Variants in HHAT observed in about 807,000 individuals in gnomAD.
HHAT encodes the protein hedgehog acyltransferase.
In HHAT, 47 loss-of-function variants were observed where a neutral mutation model predicts 70.8. The ratio of observed to expected loss-of-function variants is 0.66; its 90% CI spans 0.53 to 0.85. The LOEUF (loss-of-function observed/expected upper bound fraction) is 0.85. Among genes scored for constraint, HHAT ranks in the 40% least tolerant of loss-of-function variants. The probability of loss-of-function intolerance (pLI) is 0.00; values close to 1 mark genes in which losing one functional copy is unlikely to be tolerated. For synonymous variants in HHAT, 228 were observed against 247.6 expected, an observed-to-expected ratio of 0.92 and a Z score of 0.74; for missense variants, 609 against 604.8, an observed-to-expected ratio of 1.01 and a Z score of -0.07.
rs746907598 is a variant in HHAT, at chr1:210,418,178, C to T, written c.709C>T (p.Leu237=). The T allele has an allele frequency of 1.2e-6, 2 of 1,614,044 alleles. No individual in the cohort carries two copies. Among genetic ancestry groups the T allele is most frequent in the Non-Finnish European group, 1.7e-6 (2 of 1,180,032 alleles). Residue 237 remains leucine, a synonymous_variant, in exon 7 of 12, where the codon CTG becomes TTG. Transcript: ENST00000261458. The part of the protein sequence containing the change: ...KQMQQQEHDS[L]KASLCVLALG... ...GATGCAGCAGCAGGAGCATGACTCC[C>T]TGAAGGCCAGCCTGTGTGTCCTGGC... is the stretch of plus-strand genomic sequence containing the variant.
chr1:210,506,256 T>A (rs561897948), intron 8 of HHAT, among the ~76,000 whole-genome samples: 2 of 152,276 alleles, frequency 1.3e-5, no homozygotes, highest in South Asian at 4.1e-4. Context: ...GGGCACAGTC[T>A]ACTAATTTGC....
intron 1 of HHAT, among the ~76,000 whole-genome samples, chr1:210,331,842 TA>T (rs2085018078): frequency 6.6e-6 from 1 of 152,018 alleles, no homozygotes; most frequent in Non-Finnish European, 1.5e-5. Context: ...GGTAAGCAAG[TA>T]AGCAAGTTTT....
chr1:210,541,394 A>C (rs2095429416), intron 9 of HHAT, among the ~76,000 whole-genome samples: 1 of 152,138 alleles, frequency 6.6e-6, no homozygotes, highest in South Asian at 2.1e-4. Context: ...GTAAAGGCTT[A>C]ACAAAGTCTC....
At chr1:210,536,823 C>G (rs1404556886) in intron 9 of HHAT, among the ~76,000 whole-genome samples, 4 of 152,128 alleles carry the variant, frequency 2.6e-5, no homozygotes, top group Non-Finnish European at 2.9e-5. Context: ...TGTGGGAGCT[C>G]TCCTGTGTAC....
intron 7 of HHAT, among the ~76,000 whole-genome samples, chr1:210,445,723 G>A (rs928732174): frequency 5.3e-5 from 8 of 152,104 alleles, no homozygotes; most frequent in African/African-American, 1.9e-4. Context: ...GGTTGGTGGT[G>A]GACTGATTTT....
intron 10 of HHAT, among the ~76,000 whole-genome samples, chr1:210,621,501 C>T (rs1160625438): frequency 6.6e-6 from 1 of 152,212 alleles, no homozygotes; most frequent in Non-Finnish European, 1.5e-5. Flanking sequence ...TCCTCTCACC[C>T]TGCCTCCCTA....
chr1:210,448,211 AGCTGGGACTGCAGGC>A (rs2093674283), intron 7 of HHAT, among the ~76,000 whole-genome samples: 1 of 151,784 alleles, frequency 6.6e-6, no homozygotes. Flanking sequence ...CTGCCTGAGT[AGCTGGGACTGCAGGC>A]GCCTGCCACC....
chr1:210,496,027 A>AAAAAAAAG (rs2094635607), intron 8 of HHAT, among the ~76,000 whole-genome samples: 1 of 146,524 alleles, frequency 6.8e-6, no homozygotes, highest in Non-Finnish European at 1.5e-5. Context: ...AAAAAAAAAA[A>AAAAAAAAG]AAAGAAAAAG....
chr1:210,502,944 C>G (rs2094786849), intron 8 of HHAT, among the ~76,000 whole-genome samples: 1 of 151,420 alleles, frequency 6.6e-6, no homozygotes, highest in African/African-American at 2.4e-5. Context: ...ATACTGTGTA[C>G]TCAATATACT....
chr1:210,384,607 C>T (rs949067046), intron 3 of HHAT, among the ~76,000 whole-genome samples: 1 of 152,156 alleles, frequency 6.6e-6, no homozygotes, highest in Non-Finnish European at 1.5e-5. Context: ...GGAGTACAGC[C>T]TCCCTGCTTC....
chr1:210,569,780 C>T (rs1655780501), intron 9 of HHAT, among the ~76,000 whole-genome samples: 1 of 152,150 alleles, frequency 6.6e-6, no homozygotes, highest in Non-Finnish European at 1.5e-5. Flanking sequence ...ACCCCTTCAT[C>T]CCCCAGCACA....
rs533500187 is a variant in HHAT at position 210,675,631 on chromosome 1, C to T, written c.*1252C>T. 7.2e-5 allele frequency: 11 copies of T among 152,318 alleles called. No homozygotes were observed. Among genetic ancestry groups the T allele is most frequent in the African/African-American group, 2.6e-4 (11 of 41,578 alleles). 9.4% of individuals were successfully genotyped at this position (152,318 alleles called of 1,614,324 possible). ...GTGCTGCCTCCTGTTTATTACATAGCATGGCCCTTATGTCTTGAGTTGAGG... is the reference window on the plus strand; with the variant it reads ...GTGCTGCCTCCTGTTTATTACATAGTATGGCCCTTATGTCTTGAGTTGAGG... On this transcript the variant is annotated 3_prime_UTR_variant, in exon 12 of 12. Coordinates refer to ENST00000261458, the MANE Select transcript of HHAT (RefSeq NM_018194.6).
chr1:210,640,904 C>T (rs1037843350), intron 11 of HHAT, among the ~76,000 whole-genome samples: 2 of 152,172 alleles, frequency 1.3e-5, no homozygotes, highest in African/African-American at 4.8e-5. Context: ...GTTAAATGAC[C>T]TGCCAAACCC....
rs115891848 is a variant in HHAT at position 210,394,918 on chromosome 1, C to T, written c.274-5550C>T. Among the ~76,000 whole-genome samples, 1,195 of 152,158 alleles carry T rather than the reference C, an allele frequency of 7.9e-3. 13 individuals carry two copies. Among genetic ancestry groups the T allele is most frequent in the African/African-American group, 0.026 (1,091 of 41,490 alleles). On this transcript the variant is annotated intron_variant, in intron 4 of 11. Coordinates refer to ENST00000261458, the MANE Select transcript of HHAT (RefSeq NM_018194.6). ...TTACGTGGGCCTGCTGGCCTTTGCT[C>T]CCAGGAAATGGGATGCAGTTGTTCA...
At chr1:210,408,383 A>G (rs922347673) in intron 6 of HHAT, among the ~76,000 whole-genome samples, 2 of 152,124 alleles carry the variant, frequency 1.3e-5, no homozygotes, top group African/African-American at 4.8e-5. Flanking sequence ...GGGTTTTACC[A>G]TGTTGGCCAG....
At chr1:210,454,431 G>A (rs1047151242) in intron 7 of HHAT, among the ~76,000 whole-genome samples, 1 of 152,158 alleles carries the variant, frequency 6.6e-6, no homozygotes, top group Non-Finnish European at 1.5e-5. Context: ...GCGGGTGCCT[G>A]TAGTCCCAGC....
At chr1:210,465,585 C>T (rs895154779) in intron 8 of HHAT, among the ~76,000 whole-genome samples, 14 of 152,140 alleles carry the variant, frequency 9.2e-5, no homozygotes, top group Non-Finnish European at 1.3e-4. Flanking sequence ...TAGATCCTTC[C>T]GCCTCAGCCC....
At chr1:210,356,119 G>A (rs1323971199) in intron 2 of HHAT, among the ~76,000 whole-genome samples, 1 of 151,272 alleles carries the variant, frequency 6.6e-6, no homozygotes, top group South Asian at 2.1e-4. Context: ...TGGAGACAGG[G>A]TCTTGCTATG....
intron 8 of HHAT, among the ~76,000 whole-genome samples, chr1:210,475,885 G>A (rs2148472496): frequency 6.6e-6 from 1 of 152,238 alleles, no homozygotes; most frequent in African/African-American, 2.4e-5. Context: ...TCCCTGTTAG[G>A]ATTAACTTAT....
Sources: allele counts gnomAD v4.1 joint callset (sites outside exome capture counted in the v4.1 genomes callset), GRCh38; gene constraint gnomAD v4.1.1; transcripts MANE v1.5; gene names NCBI Gene and HGNC (gene_info 2026-07-23, HGNC 2026-07-21).